Variants in ARHGAP15 observed in about 807,000 individuals in gnomAD.
ARHGAP15 encodes Rho GTPase activating protein 15, also known as rho GTPase-activating protein 15.
ARHGAP15 carries 51 observed loss-of-function variants against 63.7 expected under a neutral mutation model. That is an observed-to-expected ratio of 0.80 (90% CI 0.64 to 1.01). ARHGAP15 has a LOEUF of 1.01. Among genes scored for constraint, ARHGAP15 ranks in the 50% least tolerant of loss-of-function variants. The probability of loss-of-function intolerance (pLI) is 0.00; values close to 1 mark genes in which losing one functional copy is unlikely to be tolerated. For synonymous variants in ARHGAP15, 191 were observed against 193.8 expected (o/e 0.99, Z 0.12); for missense variants, 560 against 564.6 (o/e 0.99, Z 0.08).
chr2:143,656,632 A>C (rs1574783523), intron 12 of ARHGAP15, among the ~76,000 whole-genome samples: 2 of 152,174 alleles, frequency 1.3e-5, no homozygotes, highest in East Asian at 1.9e-4. Context: ...GTGGTAGAAA[A>C]CACCACAGCC....
At chr2:143,624,484 AT>A (rs1396109739) in intron 12 of ARHGAP15, among the ~76,000 whole-genome samples, 1 of 152,104 alleles carries the variant, frequency 6.6e-6, no homozygotes, top group Non-Finnish European at 1.5e-5. Flanking sequence ...AGGAAAAAAA[AT>A]ATGACATCCT....
chr2:143,221,859 C>T (rs1693012663), intron 4 of ARHGAP15, among the ~76,000 whole-genome samples: 1 of 152,130 alleles, frequency 6.6e-6, no homozygotes, highest in Non-Finnish European at 1.5e-5. Flanking sequence ...GCAGTGGTTA[C>T]GTCTACTAGT....
chr2:143,498,472 A>G (rs12617222), intron 9 of ARHGAP15, among the ~76,000 whole-genome samples: 11,358 of 152,190 alleles, frequency 0.075, 636 homozygotes, highest in East Asian at 0.22. Flanking sequence ...AATTGACTAT[A>G]TTGCTGTAAG....
intron 11 of ARHGAP15, among the ~76,000 whole-genome samples, chr2:143,590,942 G>GCTCTCT (rs146715937): frequency 3.3e-4 from 50 of 150,580 alleles, no homozygotes; most frequent in Non-Finnish European, 5.5e-4. Context: ...ATGTATCTTT[G>GCTCTCT]CTCTCTCTCT....
intron 8 of ARHGAP15, among the ~76,000 whole-genome samples, chr2:143,461,601 A>T (rs1690943814): frequency 6.6e-6 from 1 of 152,340 alleles, no homozygotes; most frequent in Non-Finnish European, 1.5e-5. Context: ...AAGTAAAGGA[A>T]TCGATCTATA....
At chr2:143,447,090 G>A (rs1024062673) in intron 8 of ARHGAP15, among the ~76,000 whole-genome samples, 5 of 152,038 alleles carry the variant, frequency 3.3e-5, no homozygotes, top group African/African-American at 9.7e-5. Context: ...ATAAACATAC[G>A]TGTGCATGTG....
chr2:143,528,106 A>T (rs1006852081), intron 10 of ARHGAP15, among the ~76,000 whole-genome samples: 2 of 152,092 alleles, frequency 1.3e-5, no homozygotes, highest in African/African-American at 4.8e-5. Context: ...ATCAGCAACT[A>T]CTAAAATATC....
At chr2:143,436,869 T>C in intron 7 of ARHGAP15, 44 bp from the exon 8 acceptor site, 2 of 1,582,684 alleles carry the variant, frequency 1.3e-6, no homozygotes, top group South Asian at 2.4e-5. Flanking sequence ...GTGAATCCTT[T>C]CTTTCTAGTA....
chr2:143,250,691 T>C (rs1680112061), intron 6 of ARHGAP15, 91 bp downstream of exon 6: 1 of 1,013,492 alleles, frequency 9.9e-7, no homozygotes, highest in Admixed American at 2.0e-5. Context: ...TCTTGTGATG[T>C]GCTCATGTAC....
chr2:143,719,226 T>A (rs1032249780), intron 13 of ARHGAP15, among the ~76,000 whole-genome samples: 4 of 152,334 alleles, frequency 2.6e-5, no homozygotes, highest in Admixed American at 2.0e-4. Context: ...TGTACATTCA[T>A]TTCTTTACTT....
At chr2:143,362,422 T>C (rs1686101545) in intron 6 of ARHGAP15, among the ~76,000 whole-genome samples, 1 of 152,232 alleles carries the variant, frequency 6.6e-6, no homozygotes, top group Admixed American at 6.5e-5. Context: ...TCTGCCTCTT[T>C]GGGAATTCTG....
chr2:143,332,039 A>T (rs924019816), intron 6 of ARHGAP15, among the ~76,000 whole-genome samples: 2 of 152,156 alleles, frequency 1.3e-5, no homozygotes, highest in African/African-American at 4.8e-5. Flanking sequence ...AACCCTAGAA[A>T]ATAATAATGC....
intron 6 of ARHGAP15, among the ~76,000 whole-genome samples, chr2:143,284,380 G>A (rs1336293135): frequency 6.6e-6 from 1 of 152,162 alleles, no homozygotes; most frequent in Non-Finnish European, 1.5e-5. Flanking sequence ...TTATCAATAT[G>A]TTTAAACGTT....
chr2:143,765,661 G>A (rs561895327), intron 13 of ARHGAP15, among the ~76,000 whole-genome samples: 10 of 152,242 alleles, frequency 6.6e-5, no homozygotes, highest in African/African-American at 9.6e-5. Flanking sequence ...AGTAAAAAAC[G>A]AAAATTCAGA....
At chr2:143,540,985 T>G (rs1695021347) in intron 10 of ARHGAP15, among the ~76,000 whole-genome samples, 1 of 152,250 alleles carries the variant, frequency 6.6e-6, no homozygotes, top group South Asian at 2.1e-4. Context: ...CCAACTTGGT[T>G]CCATTTTCCC....
At chr2:143,368,992 ACTTT>A (rs1402755880) in intron 6 of ARHGAP15, among the ~76,000 whole-genome samples, 6 of 152,150 alleles carry the variant, frequency 3.9e-5, no homozygotes, top group African/African-American at 7.2e-5. Context: ...TTAGAATGAT[ACTTT>A]CTTTATTGCA....
chr2:143,350,767 A>G (rs1277627040), intron 6 of ARHGAP15, among the ~76,000 whole-genome samples: 1 of 129,522 alleles, frequency 7.7e-6, no homozygotes, highest in Non-Finnish European at 1.6e-5. Context: ...TGAACCCAGG[A>G]GGTGGAGTGT....
chr2:143,689,231 C>G (rs1440869059), intron 12 of ARHGAP15, among the ~76,000 whole-genome samples: 3 of 152,086 alleles, frequency 2.0e-5, no homozygotes, highest in African/African-American at 7.2e-5. Context: ...TTTTGTTTTG[C>G]ATTTTTAGTT....
intron 6 of ARHGAP15, among the ~76,000 whole-genome samples, chr2:143,388,947 A>T (rs1687419359): frequency 6.6e-6 from 1 of 151,242 alleles, no homozygotes; most frequent in Non-Finnish European, 1.5e-5. Context: ...TGGAGAATTA[A>T]TTTTTTTTTA....
Sources: allele counts gnomAD v4.1 joint callset (sites outside exome capture counted in the v4.1 genomes callset), GRCh38; gene constraint gnomAD v4.1.1; transcripts MANE v1.5; gene names NCBI Gene and HGNC (gene_info 2026-07-23, HGNC 2026-07-21).